PTK2: variants seen among roughly 807,000 people sequenced by gnomAD.
PTK2 encodes the protein protein tyrosine kinase 2.
PTK2 carries 45 observed loss-of-function variants against 150.1 expected under a neutral mutation model. The ratio of observed to expected loss-of-function variants is 0.30; its 90% CI spans 0.24 to 0.38. PTK2 has a LOEUF of 0.38. Among genes scored for constraint, PTK2 ranks in the 10% least tolerant of loss-of-function variants. PTK2 has a pLI of 1.00. For missense variants in PTK2, 919 were observed against 1,307.3 expected (o/e 0.70, Z 4.58); for synonymous variants, 432 against 449.2 (o/e 0.96, Z 0.48).
At chr8:140,893,864 A>T (rs6578141) in intron 2 of PTK2, among the ~76,000 whole-genome samples, 145,709 of 152,214 alleles carry the variant, frequency 0.96, 69,941 homozygotes, top group Non-Finnish European at 1. Flanking sequence ...GTACCCTGTC[A>T]TTTGGTAAGG....
intron 24 of PTK2, among the ~76,000 whole-genome samples, chr8:140,704,462 C>G (rs1011415149): frequency 6.6e-6 from 1 of 152,216 alleles, no homozygotes; most frequent in African/African-American, 2.4e-5. Context: ...CTAACAAACA[C>G]GTACTAGAGT....
At chr8:140,715,165 T>C (rs1332029608) in intron 23 of PTK2, among the ~76,000 whole-genome samples, 2 of 109,572 alleles carry the variant, frequency 1.8e-5, no homozygotes, top group African/African-American at 7.1e-5. Context: ...GTTTTTTTTT[T>C]TTTTTTTTTT....
chr8:140,686,556 T>C, intron 27 of PTK2, 76 bp downstream of exon 30: 1 of 1,104,554 alleles, frequency 9.1e-7, no homozygotes, highest in Non-Finnish European at 1.4e-6. Flanking sequence ...TAAACTTGGA[T>C]ATATTGTGAC....
At chr8:140,950,979 TA>T (rs1044777437) in intron 1 of PTK2, among the ~76,000 whole-genome samples, 1 of 151,960 alleles carries the variant, frequency 6.6e-6, no homozygotes, top group Non-Finnish European at 1.5e-5. Flanking sequence ...ATAATATATA[TA>T]TTTTTTTAAG....
At chr8:140,688,041 G>A (rs1189211055) in intron 26 of PTK2, among the ~76,000 whole-genome samples, 8 of 152,170 alleles carry the variant, frequency 5.3e-5, no homozygotes, top group Non-Finnish European at 2.9e-5. Context: ...AGTCCTCAGG[G>A]ATTCCATATG....
chr8:140,919,234 G>T (rs1052586112), intron 2 of PTK2, among the ~76,000 whole-genome samples: 2 of 152,116 alleles, frequency 1.3e-5, no homozygotes, highest in African/African-American at 4.8e-5. Context: ...TCTTTTATAC[G>T]TGTGAGCTCT....
intron 1 of PTK2, among the ~76,000 whole-genome samples, chr8:140,933,215 T>G (rs1372768455): frequency 6.6e-6 from 1 of 151,316 alleles, no homozygotes; most frequent in Non-Finnish European, 1.5e-5. Context: ...GACTTGAGAT[T>G]TCTAAATCCA....
intron 22 of PTK2, chr8:140,718,727 G>A (rs1175900536): frequency 6.6e-6 from 1 of 152,184 alleles, no homozygotes; most frequent in Non-Finnish European, 1.5e-5. Context: ...AGGCTAGAAT[G>A]TGCTGTTTCT....
intron 1 of PTK2, among the ~76,000 whole-genome samples, chr8:140,927,975 A>AAAAAAAAAATATATATAT: frequency 2.1e-5 from 1 of 48,196 alleles, no homozygotes; most frequent in Non-Finnish European, 3.4e-5. Flanking sequence ...AAAAAAAAAA[A>AAAAAAAAAATATATATAT]ATATATATAT....
intron 1 of PTK2, among the ~76,000 whole-genome samples, chr8:140,929,998 G>A (rs554126769): frequency 3.9e-5 from 6 of 152,134 alleles, no homozygotes; most frequent in African/African-American, 1.2e-4. Context: ...ATCCCATAAG[G>A]AGTTGACAGA....
chr8:140,698,861 C>T (rs938202806), intron 26 of PTK2, among the ~76,000 whole-genome samples: 4 of 152,046 alleles, frequency 2.6e-5, no homozygotes, highest in Non-Finnish European at 5.9e-5. Context: ...GTGATCAGCC[C>T]GCCTCAGCCT....
At chr8:140,889,689 G>C (rs1024662035) in intron 3 of PTK2, among the ~76,000 whole-genome samples, 2 of 151,846 alleles carry the variant, frequency 1.3e-5, no homozygotes, top group African/African-American at 4.8e-5. Flanking sequence ...CTTGTCACTG[G>C]AAACTTCTCC....
intron 7 of PTK2, among the ~76,000 whole-genome samples, chr8:140,842,797 A>G (rs1205344623): frequency 2.0e-5 from 3 of 152,152 alleles, no homozygotes; most frequent in African/African-American, 4.8e-5. Flanking sequence ...ACAATAAACT[A>G]AAGATTCCTC....
At chr8:140,854,955 G>A (rs1243268845) in intron 5 of PTK2, among the ~76,000 whole-genome samples, 1 of 152,066 alleles carries the variant, frequency 6.6e-6, no homozygotes, top group Non-Finnish European at 1.5e-5. Flanking sequence ...TTTTATTTCT[G>A]CACTGGCTAA....
chr8:140,969,474 A>G (rs1463411533), intron 1 of PTK2, among the ~76,000 whole-genome samples: 1 of 152,158 alleles, frequency 6.6e-6, no homozygotes, highest in Non-Finnish European at 1.5e-5. Flanking sequence ...AATGACCTCA[A>G]TACTGCTAAA....
At chr8:140,954,121 C>G (rs2100180430) in intron 1 of PTK2, among the ~76,000 whole-genome samples, 1 of 152,056 alleles carries the variant, frequency 6.6e-6, no homozygotes, top group Non-Finnish European at 1.5e-5. Flanking sequence ...ATTACAACAG[C>G]TGGATGCAAC....
chr8:140,686,958 C>A, intron 26 of PTK2: 1 of 444,262 alleles, frequency 2.3e-6, no homozygotes, highest in Non-Finnish European at 4.1e-6. Flanking sequence ...CACTTTACCT[C>A]TATTCCAAGT....
At chr8:140,745,371 A>G (rs1423552816) in intron 18 of PTK2, among the ~76,000 whole-genome samples, 1 of 152,248 alleles carries the variant, frequency 6.6e-6, no homozygotes, top group East Asian at 1.9e-4. Context: ...AGAAAGGCAG[A>G]CACAATTAAT....
chr8:140,674,086 A>C (rs1292269643), intron 29 of PTK2: 1 of 715,472 alleles, frequency 1.4e-6, no homozygotes, highest in Admixed American at 1.8e-5. Flanking sequence ...TGAGAGGAAA[A>C]TGGAAAAGAA....
Sources: gnomAD v4.1 joint callset for allele counts (sites outside exome capture counted in the v4.1 genomes callset) on GRCh38, gnomAD v4.1.1 for gene constraint, MANE v1.5 for transcripts, NCBI Gene and HGNC (gene_info 2026-07-23, HGNC 2026-07-21) for gene names.